The following AFG2B variants were observed in gnomAD, a reference collection of about 807,000 sequenced individuals.
AFG2B encodes ATPase family gene 2 protein homolog B.
At chr15:45,418,768 G>T in the AFG2B span, 37 of 1,529,636 alleles carry the variant, frequency 2.4e-5, no homozygotes, top group Non-Finnish European at 3.3e-5. Flanking sequence ...TTTACTAAAA[G>T]CCTGTGTGGT....
the AFG2B span, among the ~76,000 whole-genome samples, chr15:45,413,464 C>T: frequency 2.0e-5 from 3 of 152,166 alleles, no homozygotes; most frequent in Non-Finnish European, 2.9e-5. Flanking sequence ...GCCAGCCACC[C>T]CATCCCCTAA....
the AFG2B span, chr15:45,402,944 C>G: frequency 6.3e-7 from 1 of 1,598,086 alleles, no homozygotes; most frequent in Non-Finnish European, 8.5e-7. Flanking sequence ...ACGCCCAGTC[C>G]CGATCCCGCT....
chr15:45,409,813 G>T, the AFG2B span, among the ~76,000 whole-genome samples: 1 of 152,264 alleles, frequency 6.6e-6, no homozygotes, highest in South Asian at 2.1e-4. Flanking sequence ...ACTGCAGTGA[G>T]CTATGATAAC....
chr15:45,420,234 T>G, the AFG2B span, among the ~76,000 whole-genome samples: 1 of 152,204 alleles, frequency 6.6e-6, no homozygotes, highest in Non-Finnish European at 1.5e-5. Context: ...TCTTTTATTT[T>G]GGAATATCTG....
chr15:45,402,739 T>A, the AFG2B span: 1 of 1,567,046 alleles, frequency 6.4e-7, no homozygotes, highest in East Asian at 2.3e-5. Flanking sequence ...CCTAGTGCCC[T>A]GTCCGCCCCT....
At chr15:45,417,965 T>G in the AFG2B span, among the ~76,000 whole-genome samples, 1 of 152,168 alleles carries the variant, frequency 6.6e-6, no homozygotes, top group African/African-American at 2.4e-5. Context: ...AAAATAAAAT[T>G]TAATATCTAT....
At chr15:45,414,488 T>C in the AFG2B span, 3 of 1,321,918 alleles carry the variant, frequency 2.3e-6, no homozygotes, top group Non-Finnish European at 2.1e-6. Context: ...CTGAGAATTG[T>C]TAAATGAAGA....
At chr15:45,405,425 A>G in the AFG2B span, 12 of 1,614,196 alleles carry the variant, frequency 7.4e-6, no homozygotes, top group South Asian at 1.3e-4. Context: ...TCTTGCAGAA[A>G]TGACAGTTGG....
chr15:45,404,385 G>C, the AFG2B span, among the ~76,000 whole-genome samples: 2 of 152,096 alleles, frequency 1.3e-5, no homozygotes, highest in African/African-American at 4.8e-5. Context: ...CAACTTTCTA[G>C]CCAGTGTTAC....
chr15:45,415,902 A>G, the AFG2B span: 1 of 912,218 alleles, frequency 1.1e-6, no homozygotes, highest in Non-Finnish European at 1.6e-6. Flanking sequence ...TTCATCTCAT[A>G]GAAGGATTTA....
chr15:45,415,772 T>C, the AFG2B span: 3 of 1,613,278 alleles, frequency 1.9e-6, no homozygotes, highest in East Asian at 6.7e-5. Flanking sequence ...GTAAATCAAG[T>C]CAACAGGGTA....
chr15:45,415,984 G>T, the AFG2B span: 1 of 409,690 alleles, frequency 2.4e-6, no homozygotes, highest in Non-Finnish European at 4.3e-6. Context: ...GAAAGGTGAG[G>T]TACATTTTAT....
chr15:45,403,636 G>A, the AFG2B span: 3 of 1,328,544 alleles, frequency 2.3e-6, no homozygotes, highest in Admixed American at 2.4e-5. Flanking sequence ...GTTGGAGTTG[G>A]GGCTCTTTGC....
At chr15:45,405,341 C>T in the AFG2B span, 2 of 1,614,112 alleles carry the variant, frequency 1.2e-6, no homozygotes. Context: ...GACTCCCACA[C>T]TTAAACAAAG....
the AFG2B span, chr15:45,417,207 A>C: frequency 6.4e-7 from 1 of 1,567,830 alleles, no homozygotes; most frequent in Non-Finnish European, 8.7e-7. Context: ...TCTGATTTAT[A>C]ATTTTTAGAA....
the AFG2B span, chr15:45,402,874 G>A: frequency 1.9e-6 from 3 of 1,598,466 alleles, no homozygotes; most frequent in Admixed American, 3.3e-5. Context: ...CCTGGGCCAC[G>A]TGGTGGTCGC....
chr15:45,412,407 A>G, the AFG2B span, among the ~76,000 whole-genome samples: 1 of 152,214 alleles, frequency 6.6e-6, no homozygotes, highest in Non-Finnish European at 1.5e-5. Context: ...TCAAAAAAAA[A>G]AAAAATTATA....
the AFG2B span, chr15:45,402,422 T>A: frequency 6.3e-7 from 1 of 1,595,616 alleles, no homozygotes; most frequent in Non-Finnish European, 8.5e-7. Flanking sequence ...CTGGTTCATC[T>A]GTGTGCGATG....
the AFG2B span, chr15:45,403,355 G>A: frequency 1.2e-6 from 2 of 1,609,312 alleles, no homozygotes; most frequent in Non-Finnish European, 1.7e-6. Context: ...GACGCCTTGT[G>A]TCCCCAGCGG....
Sources: gnomAD v4.1 joint callset for allele counts (sites outside exome capture counted in the v4.1 genomes callset) on GRCh38, gnomAD v4.1.1 for gene constraint, MANE v1.5 for transcripts, NCBI Gene and HGNC (gene_info 2026-07-23, HGNC 2026-07-21) for gene names.